Variants in NID2 observed in about 807,000 individuals in gnomAD.
The protein encoded by NID2 is nidogen-2.
A neutral mutation model predicts 145.4 loss-of-function variants in NID2; 83 were observed. That is an observed-to-expected ratio of 0.57 (90% CI 0.48 to 0.69). The LOEUF (loss-of-function observed/expected upper bound fraction) is 0.69, where lower values mean the gene tolerates loss of function less well. Ranked by LOEUF, NID2 falls within the 30% of genes least tolerant of loss-of-function variation. The pLI is 0.00. For missense variants in NID2, 1,807 were observed against 1,765.7 expected (o/e 1.02, Z -0.42); for synonymous variants, 739 against 701.3 (o/e 1.05, Z -0.85).
intron 9 of NID2, among the ~76,000 whole-genome samples, chr14:52,037,687 C>G (rs1892120775): frequency 6.6e-6 from 1 of 152,156 alleles, no homozygotes; most frequent in South Asian, 2.1e-4. Context: ...CTTCAAAGAG[C>G]CAGCTGAGAT....
In NID2 at chr14:52,053,709, C is replaced by A; in HGVS notation, c.1299G>T (p.Met433Ile). The A allele has an allele frequency of 6.2e-7, 1 of 1,614,200 alleles. No individual in the cohort carries two copies. Among genetic ancestry groups the A allele is most frequent in the Admixed American group, 1.7e-5 (1 of 60,026 alleles). ...CTTCAGGATGAGCTGGGGGAACATCCATTTCCGAAGGCACTGGCCCTCCAT... is the reference window on the plus strand; with the variant it reads ...CTTCAGGATGAGCTGGGGGAACATCAATTTCCGAAGGCACTGGCCCTCCAT... ...YPDGGPVPSE[M>I]DVPPAHPEEE... Residue 433 changes from methionine to isoleucine, a missense_variant, in exon 5 of 22, where the codon ATG becomes ATT. By Grantham distance (10) the Met-to-Ile change is conservative. Transcript: ENST00000216286.
Position 52,038,829 on chromosome 14 carries a change from G to T in NID2, c.2175C>A (p.Asn725Lys), listed in dbSNP as rs567307405. ...TATACAAGGCAAAGACCCGGTCCACGTTCAGCTGCTGGGTGGTGGGGAAGG... is the reference window on the plus strand; with the variant it reads ...TATACAAGGCAAAGACCCGGTCCACTTTCAGCTGCTGGGTGGTGGGGAAGG... ...HPSFPTTQQL[N>K]VDRVFALYND... The change falls in exon 9 of 22, where the codon AAC (asparagine) becomes AAA (lysine). Residue 725 changes from asparagine (N) to lysine (K), a missense_variant. Asn to Lys is a moderately conservative substitution (Grantham distance 94). Transcript: ENST00000216286. 1.2e-5 allele frequency: 20 copies of T among 1,613,952 alleles called. No individual in the cohort carries two copies. The highest frequency in any genetic ancestry group is 1.7e-5 in the Non-Finnish European group (20 of 1,179,966).
intron 12 of NID2, among the ~76,000 whole-genome samples, chr14:52,022,597 A>T (rs914135166): frequency 6.6e-5 from 10 of 152,172 alleles, no homozygotes; most frequent in African/African-American, 2.4e-4. Flanking sequence ...TAAAGACAAA[A>T]ACGTTCAAGA....
chr14:52,051,331 CT>C (rs1214543474), intron 5 of NID2, among the ~76,000 whole-genome samples: 7 of 152,178 alleles, frequency 4.6e-5, no homozygotes, highest in Admixed American at 3.9e-4. Context: ...AATTTCAGTT[CT>C]TGCAAGTATA....
At chr14:52,011,302 C>T (rs1452104831) in intron 17 of NID2, among the ~76,000 whole-genome samples, 3 of 152,156 alleles carry the variant, frequency 2.0e-5, no homozygotes, top group East Asian at 3.8e-4. Flanking sequence ...GCTGAATAAA[C>T]GAAGGCGTCA....
At chr14:52,030,516 A>AAAAGAAAGAAAGAAAGAAAG (rs535564581) in intron 9 of NID2, among the ~76,000 whole-genome samples, 3 of 63,070 alleles carry the variant, frequency 4.8e-5, no homozygotes, top group Admixed American at 2.0e-4. Context: ...AGAAAGAAAG[A>AAAAGAAAGAAAGAAAGAAAG]AAAGAAAGAA....
At chr14:52,028,955 C>T (rs1891698290) in intron 10 of NID2, 105 bp from the exon 11 acceptor site, 1 of 1,089,576 alleles carries the variant, frequency 9.2e-7, no homozygotes, top group Non-Finnish European at 1.3e-6. Context: ...TTCAATGGGA[C>T]AAATGGTTGG....
intron 2 of NID2, among the ~76,000 whole-genome samples, 184 bp downstream of exon 2, chr14:52,067,674 C>T (rs1009985588): frequency 6.6e-6 from 1 of 152,220 alleles, no homozygotes; most frequent in Non-Finnish European, 1.5e-5. Context: ...GCCAGGGCCT[C>T]AGAAGATGCC....
At chr14:52,024,671 G>A (rs1436708251) in intron 12 of NID2, among the ~76,000 whole-genome samples, 3 of 152,128 alleles carry the variant, frequency 2.0e-5, no homozygotes, top group African/African-American at 4.8e-5. Context: ...ATACACTGGG[G>A]GAAGCACCTG....
chr14:52,050,910 C>T (rs1477076231), intron 5 of NID2, among the ~76,000 whole-genome samples: 1 of 152,220 alleles, frequency 6.6e-6, no homozygotes, highest in Non-Finnish European at 1.5e-5. Flanking sequence ...CAGCAGGCTG[C>T]ACTTAGCAAA....
chr14:52,047,414 G>A (rs1892540588), intron 5 of NID2, among the ~76,000 whole-genome samples: 1 of 152,146 alleles, frequency 6.6e-6, no homozygotes, highest in Non-Finnish European at 1.5e-5. Flanking sequence ...GTGTGGGCAT[G>A]TGGGAGGGAT....
chr14:52,046,305 A>T (rs1892490193), intron 5 of NID2, among the ~76,000 whole-genome samples: 1 of 134,130 alleles, frequency 7.5e-6, no homozygotes, highest in African/African-American at 2.9e-5. Context: ...CCTGGGCGAC[A>T]GAGAGAGACT....
At chr14:52,006,790 C>T in intron 19 of NID2, 130 bp from the exon 20 acceptor site, 1 of 976,014 alleles carries the variant, frequency 1.0e-6, no homozygotes, top group Non-Finnish European at 1.5e-6. Context: ...CATAGATTAG[C>T]AACTGTAAAA....
intron 3 of NID2, among the ~76,000 whole-genome samples, chr14:52,055,024 C>G (rs1892800702): frequency 6.6e-6 from 1 of 152,196 alleles, no homozygotes; most frequent in African/African-American, 2.4e-5. Context: ...ATGCTTAAAA[C>G]TCTACCAAAT....
At chr14:52,022,610 T>C (rs1472798468) in intron 12 of NID2, among the ~76,000 whole-genome samples, 1 of 152,156 alleles carries the variant, frequency 6.6e-6, no homozygotes, top group Non-Finnish European at 1.5e-5. Flanking sequence ...GTTCAAGAAG[T>C]CGTAGAGCCC....
In NID2 at chr14:52,005,464, G is replaced by A; in HGVS notation, c.*22C>T. On this transcript the variant is annotated 3_prime_UTR_variant, in exon 22 of 22. Transcript: ENST00000216286. ...TCCAGGTTCTGATTGTAAACTCCAA[G>A]TCTTCCTTTACATTACTGTACTTAC... 6.3e-7 allele frequency: 1 copy of A among 1,579,372 alleles called. No homozygotes were observed. Among genetic ancestry groups the A allele is most frequent in the African/African-American group, 1.4e-5 (1 of 73,442 alleles).
At position 52,005,262 on chromosome 14, in the gene NID2, CT is replaced by C. The variant is rs1890719256; in HGVS notation, c.*223del. On this transcript the variant is annotated 3_prime_UTR_variant, in exon 22 of 22. Coordinates refer to ENST00000216286, the MANE Select transcript of NID2 (RefSeq NM_007361.4). ...TAAGCAACAGTTAAAATTCTGTTAC[CT>C]TTTTAAACTTGCAATAACAACCTTC... The C allele has an allele frequency of 2.6e-6, 1 of 391,016 alleles. No individual in the cohort carries two copies. Among genetic ancestry groups the C allele is most frequent in the African/African-American group, 2.1e-5 (1 of 48,256 alleles). 24.2% of individuals were successfully genotyped at this position (391,016 alleles called of 1,614,324 possible). A position where few individuals can be genotyped will look rare whatever the true frequency, so the allele number is the denominator to read the frequency against.
rs754437851 is a variant in NID2, at chr14:52,054,273, G to A, written c.816C>T (p.Ser272=). The A allele has an allele frequency of 1.9e-6, 3 of 1,614,164 alleles. No individual in the cohort carries two copies. The highest frequency in any genetic ancestry group is 2.5e-6 in the Non-Finnish European group (3 of 1,180,008). The stretch of plus-strand genomic sequence containing the variant: ...GCCTGACATTGTCCAACGGGGAAGT[G>A]CTGCCGATATGGAAAGCCCACACTC... ...IPGVWAFHIG[S]TSPLDNVRPA... is the part of the protein sequence containing the mutation. The change falls in exon 4 of 22, where the codon AGC becomes AGT. Residue 272 remains serine (S), a synonymous_variant. Coordinates refer to ENST00000216286, the MANE Select transcript of NID2 (RefSeq NM_007361.4).
At chr14:52,015,317 G>A (rs377010729) in intron 14 of NID2, 42 bp from the exon 15 acceptor site, 139 of 1,555,266 alleles carry the variant, frequency 8.9e-5, no homozygotes, top group Non-Finnish European at 1.1e-4. Context: ...ACCTTTGATT[G>A]TGAGTCAAGG....
Sources: allele counts gnomAD v4.1 joint callset (sites outside exome capture counted in the v4.1 genomes callset), GRCh38; gene constraint gnomAD v4.1.1; transcripts MANE v1.5; gene names NCBI Gene and HGNC (gene_info 2026-07-23, HGNC 2026-07-21).